The following SNX29 variants were observed in gnomAD, a reference collection of about 807,000 sequenced individuals.
SNX29 encodes sorting nexin 29.
Under a neutral mutation model 102.1 loss-of-function variants are expected in SNX29, and 78 were observed. The observed-to-expected ratio is 0.76, with a 90% CI of 0.64 to 0.92. SNX29 has a LOEUF of 0.92. Among genes scored for constraint, SNX29 ranks in the 40% least tolerant of loss-of-function variants. SNX29 has a pLI of 0.00. For synonymous variants in SNX29, 580 were observed against 414.5 expected (o/e 1.40, Z -4.85); for missense variants, 1,280 against 1,061.7 (o/e 1.21, Z -2.86).
chr16:12,539,298 C>T (rs1000683627), intron 20 of SNX29, among the ~76,000 whole-genome samples: 1 of 152,054 alleles, frequency 6.6e-6, no homozygotes, highest in Non-Finnish European at 1.5e-5. Flanking sequence ...ACCTCTAAGC[C>T]CTTGTCCCTC....
chr16:12,564,336 G>A (rs1192340465), intron 20 of SNX29, among the ~76,000 whole-genome samples: 1 of 152,178 alleles, frequency 6.6e-6, no homozygotes, highest in African/African-American at 2.4e-5. Flanking sequence ...CCTTATTTCA[G>A]TCATTTCAGG....
At chr16:12,547,890 G>C (rs1293588195) in intron 20 of SNX29, among the ~76,000 whole-genome samples, 1 of 152,168 alleles carries the variant, frequency 6.6e-6, no homozygotes, top group African/African-American at 2.4e-5. Context: ...AGCAGTTCTA[G>C]GGCTGTATAG....
intron 18 of SNX29, among the ~76,000 whole-genome samples, chr16:12,461,446 G>A (rs1440259500): frequency 6.6e-6 from 1 of 152,276 alleles, no homozygotes; most frequent in Admixed American, 6.5e-5. Context: ...AGTTCTAACC[G>A]CAGCCCTTCA....
At chr16:12,312,433 G>T (rs2080588251) in intron 15 of SNX29, among the ~76,000 whole-genome samples, 1 of 152,104 alleles carries the variant, frequency 6.6e-6, no homozygotes, top group South Asian at 2.1e-4. Flanking sequence ...TGAGAGTGAG[G>T]GTCTGTTTTT....
chr16:12,150,859 T>C (rs1351387457), intron 13 of SNX29, among the ~76,000 whole-genome samples: 1 of 152,180 alleles, frequency 6.6e-6, no homozygotes, highest in Non-Finnish European at 1.5e-5. Flanking sequence ...GATACGGTCA[T>C]TTAACAGACA....
chr16:12,499,318 TG>T (rs1169219594), intron 19 of SNX29, among the ~76,000 whole-genome samples: 1 of 152,254 alleles, frequency 6.6e-6, no homozygotes, highest in East Asian at 1.9e-4. Context: ...TGAACATCAC[TG>T]TTTTTTGTTT....
intron 18 of SNX29, among the ~76,000 whole-genome samples, chr16:12,407,422 T>C (rs2084211178): frequency 6.6e-6 from 1 of 152,106 alleles, no homozygotes; most frequent in African/African-American, 2.4e-5. Flanking sequence ...ACAGTCCCCC[T>C]TTAAAATATA....
chr16:12,478,636 C>A (rs1413873032), intron 19 of SNX29, among the ~76,000 whole-genome samples: 6 of 152,168 alleles, frequency 3.9e-5, no homozygotes, highest in African/African-American at 1.4e-4. Flanking sequence ...CTAGACCGGG[C>A]TTGGAGCCCT....
intron 10 of SNX29, among the ~76,000 whole-genome samples, chr16:12,072,052 T>G (rs1271817811): frequency 2.6e-5 from 4 of 152,230 alleles, no homozygotes; most frequent in Non-Finnish European, 5.9e-5. Flanking sequence ...GCTTATCAGC[T>G]TAATGAGATT....
At chr16:12,224,427 G>A (rs2077557933) in intron 14 of SNX29, among the ~76,000 whole-genome samples, 2 of 152,214 alleles carry the variant, frequency 1.3e-5, no homozygotes, top group Admixed American at 1.3e-4. Context: ...TCCCAGCCTG[G>A]AGAGGAGGGA....
intron 12 of SNX29, 149 bp from the exon 13 acceptor site, chr16:12,129,481 G>T: frequency 1.9e-6 from 2 of 1,057,122 alleles, no homozygotes; most frequent in Middle Eastern, 3.4e-4. Flanking sequence ...GCTATCTCCA[G>T]TTCACATGAG....
chr16:12,236,432 A>C (rs2077935265), intron 14 of SNX29, among the ~76,000 whole-genome samples: 1 of 152,196 alleles, frequency 6.6e-6, no homozygotes, highest in Non-Finnish European at 1.5e-5. Context: ...GCAATGCTGA[A>C]CTACTTGGGA....
chr16:12,229,434 G>C (rs1402460115), intron 14 of SNX29, among the ~76,000 whole-genome samples: 1 of 152,146 alleles, frequency 6.6e-6, no homozygotes, highest in Non-Finnish European at 1.5e-5. Context: ...AAAAAGAGTG[G>C]TTTCATCTCC....
intron 4 of SNX29, among the ~76,000 whole-genome samples, chr16:12,033,153 C>T (rs559802554): frequency 2.4e-4 from 36 of 152,176 alleles, no homozygotes; most frequent in Non-Finnish European, 5.0e-4. Flanking sequence ...CTGTGCCCGG[C>T]CAATGCTGGC....
At chr16:12,117,781 C>T (rs567293502) in intron 11 of SNX29, among the ~76,000 whole-genome samples, 2 of 152,234 alleles carry the variant, frequency 1.3e-5, no homozygotes, top group South Asian at 4.1e-4. Flanking sequence ...TGAATCGTAC[C>T]TCAGTACATG....
At chr16:12,176,347 C>T (rs1168871326) in intron 13 of SNX29, among the ~76,000 whole-genome samples, 2 of 152,164 alleles carry the variant, frequency 1.3e-5, no homozygotes, top group Non-Finnish European at 1.5e-5. Context: ...TTTAGACAAG[C>T]TGATAACCTT....
intron 1 of SNX29, among the ~76,000 whole-genome samples, chr16:11,994,830 C>G (rs2055996951): frequency 6.6e-6 from 1 of 152,150 alleles, no homozygotes; most frequent in African/African-American, 2.4e-5. Flanking sequence ...GATTGCTCTG[C>G]CTGCCTGTCT....
At chr16:12,540,608 T>TG (rs548693126) in intron 20 of SNX29, among the ~76,000 whole-genome samples, 142 of 152,258 alleles carry the variant, frequency 9.3e-4, no homozygotes, top group African/African-American at 3.3e-3. Flanking sequence ...TGAGATTCCA[T>TG]GGGGTGGACC....
chr16:12,195,189 C>T (rs928214785), intron 13 of SNX29, among the ~76,000 whole-genome samples: 13 of 152,170 alleles, frequency 8.5e-5, no homozygotes, highest in African/African-American at 2.4e-4. Flanking sequence ...ACGTAATATT[C>T]ATCCCTGGGG....
Sources: allele counts gnomAD v4.1 joint callset (sites outside exome capture counted in the v4.1 genomes callset), GRCh38; gene constraint gnomAD v4.1.1; transcripts MANE v1.5; gene names NCBI Gene and HGNC (gene_info 2026-07-23, HGNC 2026-07-21).